ABCB5: variants seen among roughly 807,000 people sequenced by gnomAD.
The protein encoded by ABCB5 is ATP binding cassette subfamily B member 5, also known as ATP-binding cassette sub-family B member 5.
ABCB5 carries 155 observed loss-of-function variants against 144.2 expected under a neutral mutation model. The ratio of observed to expected loss-of-function variants is 1.08; its 90% CI spans 0.94 to 1.23. The LOEUF (loss-of-function observed/expected upper bound fraction) is 1.23, where lower values mean the gene tolerates loss of function less well. Ranked by LOEUF, ABCB5 falls within the 50% of genes most tolerant of loss-of-function variation. The pLI, the probability that ABCB5 is intolerant of heterozygous loss-of-function variation, is 0.00. For synonymous variants in ABCB5, 610 were observed against 528.6 expected, an observed-to-expected ratio of 1.15 and a Z score of -2.11; for missense variants, 1,830 against 1,520.8, an observed-to-expected ratio of 1.20 and a Z score of -3.38.
intron 2 of ABCB5, 113 bp from the exon 3 acceptor site, chr7:20,626,444 G>A (rs1335582675): frequency 1.2e-5 from 9 of 763,428 alleles, no homozygotes; most frequent in African/African-American, 3.6e-5. Context: ...TTTCAGTGTT[G>A]GTATAAATTT....
intron 5 of ABCB5, among the ~76,000 whole-genome samples, chr7:20,633,692 A>C (rs998139901): frequency 1.1e-4 from 17 of 152,180 alleles, no homozygotes; most frequent in African/African-American, 4.1e-4. Flanking sequence ...AGTTAACTAT[A>C]GCACTATAGG....
intron 1 of ABCB5, among the ~76,000 whole-genome samples, chr7:20,620,554 A>C (rs1013026966): frequency 2.0e-5 from 3 of 152,106 alleles, no homozygotes; most frequent in Non-Finnish European, 4.4e-5. Context: ...ATAAAAAAAA[A>C]CCAAAAACCT....
intron 24 of ABCB5, among the ~76,000 whole-genome samples, chr7:20,739,570 A>T (rs1782495800): frequency 6.6e-6 from 1 of 152,126 alleles, no homozygotes. Flanking sequence ...ACTAAAATTT[A>T]TATTTCATAT....
chr7:20,630,451 G>A (rs769416301), intron 4 of ABCB5, among the ~76,000 whole-genome samples: 15 of 150,914 alleles, frequency 9.9e-5, no homozygotes, highest in East Asian at 1.9e-4. Flanking sequence ...AATCTTTTAC[G>A]TGTGCTAATC....
chr7:20,651,350 C>G lies in ABCB5; in HGVS notation c.1333-70C>G, dbSNP rs1583394928. 8 of 1,448,856 alleles carry G rather than the reference C, an allele frequency of 5.5e-6. No homozygotes were observed. The East Asian group carries it at 1.8e-4, about 33-fold the overall frequency. 89.8% of individuals were successfully genotyped at this position (1,448,856 alleles called of 1,614,324 possible). ...GCTACTTCTCAGCTTATATTTTGGT[C>G]TAGTATGAAAAACCCTAAAATCAAT... On this transcript the variant is annotated intron_variant, in intron 12 of 27. Coordinates refer to ENST00000404938, the MANE Select transcript of ABCB5 (RefSeq NM_001163941.2).
intron 20 of ABCB5, among the ~76,000 whole-genome samples, chr7:20,719,396 T>C (rs1000082990): frequency 3.3e-5 from 5 of 152,268 alleles, no homozygotes; most frequent in Admixed American, 6.5e-5. Flanking sequence ...TTTTACCTCA[T>C]ACTATGACTC....
chr7:20,667,307 A>T (rs1785232584), intron 14 of ABCB5: 1 of 984,716 alleles, frequency 1.0e-6, no homozygotes, highest in Admixed American at 6.1e-5. Context: ...AAATATGAGA[A>T]GAGATATATA....
In ABCB5 at chr7:20,727,067, C is replaced by T. The variant is rs751879475; in HGVS notation, c.2653C>T (p.Arg885Cys). ...KIATEALENIRTIVSLTREKA... is the reference protein window; with the variant it reads ...KIATEALENICTIVSLTREKA... ...AGCAACTGAAGCTTTGGAGAATATA[C>T]GTACTATAGTGTCATTAACAAGGGA... Residue 885 changes from arginine (R) to cysteine (C), a missense_variant, in exon 22 of 28, where the codon CGT (arginine) becomes TGT (cysteine). Arg to Cys is a radical substitution (Grantham distance 180). Coordinates refer to ENST00000404938, the MANE Select transcript of ABCB5 (RefSeq NM_001163941.2). The T allele has an allele frequency of 1.8e-4, 291 of 1,612,436 alleles. No homozygotes were observed. Among genetic ancestry groups the T allele is most frequent in the Non-Finnish European group, 2.1e-4 (253 of 1,179,208 alleles).
chr7:20,746,106 CTTT>C (rs112735410), intron 26 of ABCB5, among the ~76,000 whole-genome samples: 1 of 145,992 alleles, frequency 6.8e-6, no homozygotes, highest in African/African-American at 2.5e-5. Flanking sequence ...CCTTAACTTT[CTTT>C]TTTTTTTTTG....
intron 14 of ABCB5, among the ~76,000 whole-genome samples, chr7:20,666,493 C>G (rs1471032213): frequency 1.3e-5 from 2 of 152,210 alleles, no homozygotes; most frequent in African/African-American, 4.8e-5. Context: ...CTGATCTCCT[C>G]AGGTCCGTAT....
In ABCB5 at chr7:20,739,137, C is replaced by T. The variant is rs778391877; in HGVS notation, c.3022C>T (p.Pro1008Ser). ...IDSRSQEGKK[P>S]DTCEGNLEFR... The stretch of plus-strand genomic sequence containing the variant: ...CAGCCGCAGTCAAGAAGGGAAAAAG[C>T]CAGTAAGCACAACTGTGATCTTAAA... Residue 1008 changes from proline (P) to serine (S), a missense_variant and splice_region_variant, in exon 24 of 28, where the codon CCA (proline) becomes TCA (serine). Physicochemically the swap from Pro to Ser is moderately conservative, Grantham distance 74. Transcript: ENST00000404938. 3.1e-6 allele frequency: 5 copies of T among 1,595,148 alleles called. No individual in the cohort carries two copies. Among genetic ancestry groups the T allele is most frequent in the South Asian group, 2.3e-5 (2 of 88,606 alleles).
Position 20,643,457 on chromosome 7 carries a change from T to A in ABCB5, c.507-4T>A. ...ACCTAACTACATTTATTTGCTTGTT[T>A]CAGTGACATTGACAAAATCAGTGAT... On this transcript the variant is annotated splice_region_variant and splice_polypyrimidine_tract_variant and intron_variant, in intron 6 of 27. Transcript: ENST00000404938. 7 of 1,613,992 alleles carry A rather than the reference T, an allele frequency of 4.3e-6. No homozygotes were observed. Among genetic ancestry groups the A allele is most frequent in the Non-Finnish European group, 5.9e-6 (7 of 1,179,844 alleles).
intron 14 of ABCB5, chr7:20,659,247 T>C (rs1396399177): frequency 3.3e-6 from 5 of 1,531,802 alleles, no homozygotes; most frequent in Non-Finnish European, 3.5e-6. Context: ...TTACACTGAA[T>C]CTAGGAGGGG....
At chr7:20,705,030 A>C (rs533834553) in intron 20 of ABCB5, among the ~76,000 whole-genome samples, 45 of 152,338 alleles carry the variant, frequency 3.0e-4, no homozygotes, top group African/African-American at 1.0e-3. Flanking sequence ...TAGTACCTGT[A>C]ATAGGATAAC....
chr7:20,661,844 G>A (rs1785015279), intron 14 of ABCB5, among the ~76,000 whole-genome samples: 3 of 152,020 alleles, frequency 2.0e-5, no homozygotes, highest in Admixed American at 2.0e-4. Flanking sequence ...GACCTGAAAT[G>A]TTCTTTTCTG....
At chr7:20,641,333 G>A (rs939557718) in intron 5 of ABCB5, among the ~76,000 whole-genome samples, 22 of 130,250 alleles carry the variant, frequency 1.7e-4, no homozygotes, top group African/African-American at 7.2e-4. Flanking sequence ...ATTAAACAAA[G>A]ATTATTTTAT....
chr7:20,656,888 A>G (rs1784811731), intron 13 of ABCB5, among the ~76,000 whole-genome samples: 1 of 149,040 alleles, frequency 6.7e-6, no homozygotes, highest in African/African-American at 2.5e-5. Context: ...ATTGTGATAG[A>G]TCTAATTTTT....
intron 15 of ABCB5, among the ~76,000 whole-genome samples, chr7:20,683,778 A>G (rs768314186): frequency 1.3e-5 from 2 of 152,222 alleles, no homozygotes; most frequent in Non-Finnish European, 2.9e-5. Context: ...CTACACAAAC[A>G]CTTTTGAAAT....
At chr7:20,729,405 A>G (rs887237581) in intron 23 of ABCB5, among the ~76,000 whole-genome samples, 1 of 152,188 alleles carries the variant, frequency 6.6e-6, no homozygotes, top group Non-Finnish European at 1.5e-5. Flanking sequence ...TGCTAAGCAA[A>G]TAATCCAGAA....
Sources: gnomAD v4.1 joint callset for allele counts (sites outside exome capture counted in the v4.1 genomes callset) on GRCh38, gnomAD v4.1.1 for gene constraint, MANE v1.5 for transcripts, NCBI Gene and HGNC (gene_info 2026-07-23, HGNC 2026-07-21) for gene names.